Variants in GRIN3A observed in about 807,000 individuals in gnomAD.
GRIN3A encodes the protein glutamate receptor ionotropic, NMDA 3A.
A neutral mutation model predicts 92.4 loss-of-function variants in GRIN3A; 47 were observed. The observed-to-expected ratio is 0.51, with a 90% confidence interval of 0.40 to 0.65. The LOEUF (loss-of-function observed/expected upper bound fraction) is 0.65. Ranked by LOEUF, GRIN3A falls within the 30% of genes least tolerant of loss-of-function variation. GRIN3A has a pLI of 0.00. For synonymous variants in GRIN3A, 527 were observed against 540.6 expected (o/e 0.97, Z 0.35); for missense variants, 1,324 against 1,393.1 (o/e 0.95, Z 0.79).
chr9:101,575,037 A>G (rs1456106785), intron 8 of GRIN3A, among the ~76,000 whole-genome samples: 1 of 152,248 alleles, frequency 6.6e-6, no homozygotes, highest in Non-Finnish European at 1.5e-5. Context: ...CAGTTGATCC[A>G]TGAATTAGTA....
intron 3 of GRIN3A, 88 bp from the exon 4 acceptor site, chr9:101,628,489 T>C (rs1372488522): frequency 2.2e-6 from 3 of 1,373,568 alleles, no homozygotes; most frequent in Non-Finnish European, 3.0e-6. Context: ...TGAAACTTAA[T>C]AATAATTCGG....
intron 3 of GRIN3A, 137 bp downstream of exon 3, chr9:101,669,923 T>A: frequency 1.5e-6 from 1 of 667,930 alleles, no homozygotes; most frequent in Admixed American, 2.7e-5. Flanking sequence ...GGCAACAGAC[T>A]TTTGGACTAG....
At chr9:101,628,733 G>A (rs1239402123) in intron 3 of GRIN3A, among the ~76,000 whole-genome samples, 1 of 152,178 alleles carries the variant, frequency 6.6e-6, no homozygotes, top group African/African-American at 2.4e-5. Flanking sequence ...ATCAGACAAA[G>A]TGTACATTCA....
intron 6 of GRIN3A, among the ~76,000 whole-genome samples, chr9:101,604,328 G>T (rs935511380): frequency 6.6e-6 from 1 of 152,226 alleles, no homozygotes; most frequent in Non-Finnish European, 1.5e-5. Flanking sequence ...GACAGATGAA[G>T]ATGAGGTCTT....
intron 3 of GRIN3A, among the ~76,000 whole-genome samples, chr9:101,665,513 G>A (rs1796387937): frequency 6.6e-6 from 1 of 151,894 alleles, no homozygotes; most frequent in Non-Finnish European, 1.5e-5. Context: ...TGGCAACATG[G>A]TGTAAGGGGA....
chr9:101,676,548 C>T (rs1231568760), intron 2 of GRIN3A, among the ~76,000 whole-genome samples: 6 of 149,560 alleles, frequency 4.0e-5, no homozygotes, highest in Admixed American at 4.0e-4. Flanking sequence ...CTGCATAAAG[C>T]TCTATCAATT....
chr9:101,700,794 T>A (rs1223035406), intron 1 of GRIN3A, among the ~76,000 whole-genome samples: 2 of 152,066 alleles, frequency 1.3e-5, no homozygotes, highest in African/African-American at 4.8e-5. Context: ...GTAATCCACA[T>A]AGAATGGTAT....
At chr9:101,591,413 G>A (rs1003780109) in intron 6 of GRIN3A, among the ~76,000 whole-genome samples, 5 of 152,170 alleles carry the variant, frequency 3.3e-5, no homozygotes, top group African/African-American at 1.2e-4. Flanking sequence ...CAGAGAGGTA[G>A]AAATAAAGCT....
chr9:101,704,391 TC>T (rs1295382685), intron 1 of GRIN3A, among the ~76,000 whole-genome samples: 1 of 152,236 alleles, frequency 6.6e-6, no homozygotes, highest in African/African-American at 2.4e-5. Context: ...ATTTATTTGT[TC>T]TGAAAATATG....
At chr9:101,595,038 C>T (rs889282075) in intron 6 of GRIN3A, 1 of 878,420 alleles carries the variant, frequency 1.1e-6, no homozygotes, top group Non-Finnish European at 1.5e-6. Flanking sequence ...AGAGGGCTCC[C>T]GGGGGCCCTG....
chr9:101,695,413 C>G (rs114875110), intron 1 of GRIN3A, among the ~76,000 whole-genome samples: 1 of 152,116 alleles, frequency 6.6e-6, no homozygotes, highest in Non-Finnish European at 1.5e-5. Context: ...CAGTAGCAGA[C>G]AAGAAATAAG....
intron 1 of GRIN3A, among the ~76,000 whole-genome samples, chr9:101,731,475 A>G (rs1476094170): frequency 1.3e-5 from 2 of 152,200 alleles, no homozygotes; most frequent in Non-Finnish European, 1.5e-5. Context: ...TATGCTTCAA[A>G]TGAATAACGA....
intron 5 of GRIN3A, among the ~76,000 whole-genome samples, chr9:101,621,528 G>A (rs1828555831): frequency 6.6e-6 from 1 of 152,244 alleles, no homozygotes; most frequent in African/African-American, 2.4e-5. Flanking sequence ...ATTAAAACCT[G>A]CAGTATTTCT....
rs1487939814 is a variant in GRIN3A at position 101,570,932 on chromosome 9, T to C, written c.*2242A>G. 1.3e-5 allele frequency: 2 copies of C among 152,520 alleles called. No homozygotes were observed. The highest frequency in any genetic ancestry group is 4.8e-5 in the African/African-American group (2 of 41,432). The allele number at this position is 152,520 out of a possible 1,614,324, so 9.4% of individuals were successfully genotyped here. A position where few individuals can be genotyped will look rare whatever the true frequency, so the allele number is the denominator to read the frequency against. ...GAGTTACAAAAATGTCCATGTACAT[T>C]AGGAGCATGGCTGTAATGTGGATTG... On this transcript the variant is annotated 3_prime_UTR_variant, in exon 9 of 9. Coordinates refer to ENST00000361820, the MANE Select transcript of GRIN3A (RefSeq NM_133445.3).
At chr9:101,696,127 C>T (rs369891477) in intron 1 of GRIN3A, among the ~76,000 whole-genome samples, 3 of 152,130 alleles carry the variant, frequency 2.0e-5, no homozygotes, top group African/African-American at 4.8e-5. Context: ...GGGTAAGGAC[C>T]GGATTAGAGA....
intron 1 of GRIN3A, among the ~76,000 whole-genome samples, chr9:101,706,908 AGATT>A (rs1486308245): frequency 6.6e-6 from 1 of 152,232 alleles, no homozygotes; most frequent in Non-Finnish European, 1.5e-5. Flanking sequence ...CAAGTCAGGG[AGATT>A]GATCTCCCTT....
intron 2 of GRIN3A, among the ~76,000 whole-genome samples, 160 bp from the exon 3 acceptor site, chr9:101,671,267 A>C (rs1829318996): frequency 6.6e-6 from 1 of 152,216 alleles, no homozygotes; most frequent in African/African-American, 2.4e-5. Flanking sequence ...AGCTGGACTC[A>C]TTCTCTATTA....
At chr9:101,659,758 G>A (rs1429233850) in intron 3 of GRIN3A, among the ~76,000 whole-genome samples, 2 of 151,678 alleles carry the variant, frequency 1.3e-5, no homozygotes, top group African/African-American at 2.4e-5. Flanking sequence ...CTTTCATTAA[G>A]GCAAACTCAG....
chr9:101,731,424 A>G (rs569997404), intron 1 of GRIN3A, among the ~76,000 whole-genome samples: 1 of 152,344 alleles, frequency 6.6e-6, no homozygotes, highest in Non-Finnish European at 1.5e-5. Context: ...AAAAACATAA[A>G]TGCTGCAAAA....
Sources: allele counts gnomAD v4.1 joint callset (sites outside exome capture counted in the v4.1 genomes callset), GRCh38; gene constraint gnomAD v4.1.1; transcripts MANE v1.5; gene names NCBI Gene and HGNC (gene_info 2026-07-23, HGNC 2026-07-21).